CNTNAP3: variants seen among roughly 807,000 people sequenced by gnomAD.
The protein encoded by CNTNAP3 is contactin associated protein family member 3, also known as contactin-associated protein-like 3.
CNTNAP3 carries 36 observed loss-of-function variants against 92.1 expected under a neutral mutation model. The observed-to-expected ratio is 0.39, with a 90% confidence interval of 0.30 to 0.52. CNTNAP3 has a LOEUF of 0.52. Ranked by LOEUF, CNTNAP3 falls within the 20% of genes least tolerant of loss-of-function variation. The pLI, the probability that CNTNAP3 is intolerant of heterozygous loss-of-function variation, is 0.76. For synonymous variants in CNTNAP3, 232 were observed against 422.3 expected, an observed-to-expected ratio of 0.55 and a Z score of 5.53; for missense variants, 534 against 1,069.6, an observed-to-expected ratio of 0.50 and a Z score of 6.98.
At chr9:39,115,735 A>G (rs1221144959) in intron 14 of CNTNAP3, among the ~76,000 whole-genome samples, 1 of 152,060 alleles carries the variant, frequency 6.6e-6, no homozygotes, top group Non-Finnish European at 1.5e-5. Flanking sequence ...ACACCAGTGC[A>G]GTCCTTGACG....
chr9:39,124,866 A>T (rs534151689), intron 13 of CNTNAP3, among the ~76,000 whole-genome samples: 12 of 152,208 alleles, frequency 7.9e-5, no homozygotes, highest in South Asian at 4.1e-4. Flanking sequence ...CAACAGGTGC[A>T]GGAGAGGATG....
At chr9:39,157,522 AT>A (rs1821978049) in intron 9 of CNTNAP3, among the ~76,000 whole-genome samples, 1 of 114,158 alleles carries the variant, frequency 8.8e-6, no homozygotes, top group Non-Finnish European at 1.9e-5. Flanking sequence ...TTTTTTTTGT[AT>A]TTTTAGTAGA....
Position 39,069,477 on chromosome 9 carries a change from A to G in CNTNAP3, c.*4413T>C, listed in dbSNP as rs1185711636. Among the ~76,000 whole-genome samples, 7 of 152,268 alleles carry G rather than the reference A, an allele frequency of 4.6e-5. No homozygotes were observed. The highest frequency in any genetic ancestry group is 8.8e-5 in the Non-Finnish European group (6 of 68,026). On this transcript the variant is annotated 3_prime_UTR_variant, in exon 24 of 24. Transcript: ENST00000297668. ...AAAAGTTCATCTTATGATTTTAAAC[A>G]TTTTTATTCACAGAGCAAATGCAAC...
At chr9:39,175,267 GGT>G (rs943938070) in intron 7 of CNTNAP3, among the ~76,000 whole-genome samples, 6 of 55,812 alleles carry the variant, frequency 1.1e-4, no homozygotes, top group Non-Finnish European at 1.8e-4. Context: ...GGGAGGCCGA[GGT>G]GGGCAGATCA....
intron 18 of CNTNAP3, among the ~76,000 whole-genome samples, chr9:39,092,992 T>C (rs1445568310): frequency 6.9e-6 from 1 of 145,168 alleles, no homozygotes; most frequent in Non-Finnish European, 1.5e-5. Context: ...CCTTTTGTTT[T>C]AGAGTTTATT....
intron 4 of CNTNAP3, among the ~76,000 whole-genome samples, chr9:39,179,286 T>TCTACACACACACACAC (rs1491209886): frequency 2.5e-5 from 2 of 80,724 alleles, no homozygotes; most frequent in African/African-American, 1.1e-4. Context: ...TCTCTCTCTC[T>TCTACACACACACACAC]ACACACACAC....
At chr9:39,101,129 A>G (rs1826448067) in intron 17 of CNTNAP3, among the ~76,000 whole-genome samples, 1 of 148,762 alleles carries the variant, frequency 6.7e-6, no homozygotes, top group African/African-American at 2.5e-5. Context: ...CCCTCCGTGT[A>G]GTCCTCCTTT....
At chr9:39,286,624 G>A (rs1440271027) in intron 1 of CNTNAP3, among the ~76,000 whole-genome samples, 1 of 44,098 alleles carries the variant, frequency 2.3e-5, no homozygotes, top group African/African-American at 5.0e-5. Context: ...TATTCACAAA[G>A]CCTTCTCACA....
intron 15 of CNTNAP3, among the ~76,000 whole-genome samples, chr9:39,107,712 G>A (rs1335348904): frequency 6.6e-6 from 1 of 152,102 alleles, no homozygotes; most frequent in Non-Finnish European, 1.5e-5. Context: ...AGGACAAAGA[G>A]ATTAAAGCCA....
chr9:39,120,977 A>T (rs1416248886), intron 13 of CNTNAP3, among the ~76,000 whole-genome samples: 1 of 152,170 alleles, frequency 6.6e-6, no homozygotes, highest in Non-Finnish European at 1.5e-5. Context: ...AGACATAAGG[A>T]TTACATATTT....
chr9:39,095,221 T>G (rs1454488392), intron 18 of CNTNAP3, among the ~76,000 whole-genome samples: 1 of 151,758 alleles, frequency 6.6e-6, no homozygotes, highest in Non-Finnish European at 1.5e-5. Context: ...TTATTTTCTC[T>G]TAACAGCTTT....
intron 12 of CNTNAP3, among the ~76,000 whole-genome samples, chr9:39,135,189 T>A (rs77593840): frequency 6.6e-6 from 1 of 152,222 alleles, no homozygotes. Flanking sequence ...TTTCCTTAAT[T>A]GCTCATAATT....
chr9:39,152,257 C>T (rs1821858894), intron 9 of CNTNAP3, among the ~76,000 whole-genome samples: 1 of 122,818 alleles, frequency 8.1e-6, no homozygotes, highest in Non-Finnish European at 1.8e-5. Flanking sequence ...ATCTCTTTAA[C>T]TTTAATATTT....
chr9:39,135,925 C>T (rs1307342172), intron 12 of CNTNAP3, among the ~76,000 whole-genome samples: 1 of 151,648 alleles, frequency 6.6e-6, no homozygotes, highest in Non-Finnish European at 1.5e-5. Context: ...GTCAGGAGAT[C>T]GAGACCATCC....
At chr9:39,150,972 C>A (rs1248607739) in intron 9 of CNTNAP3, among the ~76,000 whole-genome samples, 2 of 147,806 alleles carry the variant, frequency 1.4e-5, no homozygotes, top group Non-Finnish European at 3.0e-5. Flanking sequence ...TTACTCCCAC[C>A]CTCTGAGTTA....
intron 13 of CNTNAP3, among the ~76,000 whole-genome samples, chr9:39,128,036 AC>A (rs1278471047): frequency 6.6e-6 from 1 of 152,106 alleles, no homozygotes; most frequent in Non-Finnish European, 1.5e-5. Context: ...ACGGGGTTTC[AC>A]CATGTTGGCC....
rs1238748299 is a variant in CNTNAP3, at chr9:39,072,027, TAAG to T, written c.*1860_*1862del. On this transcript the variant is annotated 3_prime_UTR_variant, in exon 24 of 24. Transcript: ENST00000297668. ...ATTTAAAAATGAGTTTATTTTCAAA[TAAG>T]AAGATTAAGTCTAAAAATCAGTGCA... 2.8e-5 allele frequency among the ~76,000 whole-genome samples: 3 copies of T among 106,658 alleles called. No homozygotes were observed. The highest frequency in any genetic ancestry group is 4.3e-5 in the African/African-American group (1 of 23,126). The allele number at this position is 106,658 out of a possible 152,430, so 70.0% of individuals were successfully genotyped here.
rs1825886936 is a variant in CNTNAP3, at chr9:39,079,744, T to C, written c.3443-824A>G. Among the ~76,000 whole-genome samples, 4 of 121,862 alleles carry C rather than the reference T, an allele frequency of 3.3e-5. 1 individual carries two copies. Among genetic ancestry groups the C allele is most frequent in the African/African-American group, 1.5e-4 (4 of 26,960 alleles). 79.9% of individuals were successfully genotyped at this position (121,862 alleles called of 152,430 possible). A position where few individuals can be genotyped will look rare whatever the true frequency, so the allele number is the denominator to read the frequency against. On this transcript the variant is annotated intron_variant, in intron 21 of 23. Transcript: ENST00000297668. ...ATTTCCTGCTTTCCCTTTTGTGAGT[T>C]TGAGAGCTCAACTTCCCTAGCCCTC...
In CNTNAP3 at chr9:39,071,075, C is replaced by A. The variant is rs2118341278; in HGVS notation, c.*2815G>T. 6.6e-6 allele frequency among the ~76,000 whole-genome samples: 1 copy of A among 152,288 alleles called. No individual in the cohort carries two copies. The highest frequency in any genetic ancestry group is 6.5e-5 in the Admixed American group (1 of 15,290). ...AAGAGATTAGCTCTTACAACCTTAT[C>A]TTTGTCTCATCTATAAAACTGAGGG... On this transcript the variant is annotated 3_prime_UTR_variant, in exon 24 of 24. Transcript: ENST00000297668.
Sources: gnomAD v4.1 joint callset for allele counts (sites outside exome capture counted in the v4.1 genomes callset) on GRCh38, gnomAD v4.1.1 for gene constraint, MANE v1.5 for transcripts, NCBI Gene and HGNC (gene_info 2026-07-23, HGNC 2026-07-21) for gene names.